ADGRL1: variants seen among roughly 807,000 people sequenced by gnomAD.
ADGRL1 encodes CIRL-1.
A neutral mutation model predicts 148.9 loss-of-function variants in ADGRL1; 31 were observed. That is an observed-to-expected ratio of 0.21 (90% confidence interval 0.16 to 0.28). ADGRL1 has a LOEUF of 0.28. ADGRL1 is among the 10% of genes least tolerant of loss of function. The pLI is 1.00. For synonymous variants in ADGRL1, 937 were observed against 900.3 expected (o/e 1.04, Z -0.73); for missense variants, 1,521 against 2,058.8 (o/e 0.74, Z 5.05).
intron 1 of ADGRL1, among the ~76,000 whole-genome samples, chr19:14,184,630 A>ATTTTT (rs1568618689): frequency 3.4e-5 from 3 of 88,488 alleles, no homozygotes; most frequent in Non-Finnish European, 4.9e-5. Flanking sequence ...TTATTTATTT[A>ATTTTT]TTTATTTATT....
intron 1 of ADGRL1, among the ~76,000 whole-genome samples, chr19:14,187,698 C>T (rs1412204772): frequency 6.6e-6 from 1 of 152,024 alleles, no homozygotes; most frequent in Admixed American, 6.6e-5. Flanking sequence ...CCGCATCTCC[C>T]CCACATCTGT....
rs1010807364 is a variant in ADGRL1, at chr19:14,151,326, C to A, written c.3957G>T (p.Gly1319=). 2.5e-6 allele frequency: 4 copies of A among 1,593,650 alleles called. No individual in the cohort carries two copies. The African/African-American group carries it at 5.4e-5, about 21-fold the overall frequency. Residue 1319 remains glycine, a synonymous_variant, in exon 23 of 23, where the codon GGG becomes GGT. Transcript: ENST00000361434. The stretch of plus-strand genomic sequence containing the variant: ...TCTCGGCCCGGTCAGCACCCCCGGG[C>A]CCGCCCGCCTCTTCCTCGCCCCCGC... The part of the protein sequence containing the change: ...PGGGGEEEAG[G]PGGADRAEIE...
Position 14,183,589 on chromosome 19 carries a change from G to A in ADGRL1, c.14C>T (p.Ala5Val). The change falls in exon 2 of 23, where the codon GCC (alanine) becomes GTC (valine). Residue 5 changes from alanine (A) to valine (V), a missense_variant. Physicochemically the swap from Ala to Val is moderately conservative, Grantham distance 64. Coordinates refer to ENST00000361434, the MANE Select transcript of ADGRL1 (RefSeq NM_014921.5). MARL[A>V]AVLWNLCVTA... ...GACACACAGATTCCAGAGCACTGCGGCTAGGCGGGCCATGGTGGCAGCCGG... is the reference window on the plus strand; with the variant it reads ...GACACACAGATTCCAGAGCACTGCGACTAGGCGGGCCATGGTGGCAGCCGG... The A allele has an allele frequency of 1.9e-6, 3 of 1,579,970 alleles. No individual in the cohort carries two copies. The highest frequency in any genetic ancestry group is 2.3e-5 in the East Asian group (1 of 43,062).
rs975126680 is a variant in ADGRL1 at position 14,178,950 on chromosome 19, G to A, written c.71-1206C>T. The stretch of plus-strand genomic sequence containing the variant: ...TGTAATCCCCGCACTTTGGGAGGCT[G>A]AGGCGGGTGGATCACCTGAGGTCAG... On this transcript the variant is annotated intron_variant, in intron 2 of 22. Transcript: ENST00000361434. Among the ~76,000 whole-genome samples, 128 of 151,852 alleles carry A rather than the reference G, an allele frequency of 8.4e-4. 2 individuals are homozygous for A. The highest frequency in any genetic ancestry group is 5.0e-4 in the Non-Finnish European group (34 of 67,972).
At position 14,148,697 on chromosome 19, in the gene ADGRL1, A is replaced by T. The variant is rs901220883; in HGVS notation, c.*2176T>A. 6.5e-6 allele frequency: 1 copy of T among 152,736 alleles called. No homozygotes were observed. The highest frequency in any genetic ancestry group is 2.4e-5 in the African/African-American group (1 of 41,428). The allele number at this position is 152,736 out of a possible 1,614,324, so 9.5% of individuals were successfully genotyped here. A position where few individuals can be genotyped will look rare whatever the true frequency, so the allele number is the denominator to read the frequency against. On this transcript the variant is annotated 3_prime_UTR_variant, in exon 23 of 23. Coordinates refer to ENST00000361434, the MANE Select transcript of ADGRL1 (RefSeq NM_014921.5). ...ACTTCACCCATGGTCTTCTGGTGTAATGGGTTAGGCCTTTCTACCAGAAAA... is the reference window on the plus strand; with the variant it reads ...ACTTCACCCATGGTCTTCTGGTGTATTGGGTTAGGCCTTTCTACCAGAAAA...
At position 14,158,917 on chromosome 19, in the gene ADGRL1, C is replaced by T. The variant is rs374582255; in HGVS notation, c.2149+173G>A. ...GAGCCAGCTTTGCAACTGTAAGGCTCACCCTTAGGGCTCTGCAGCACTTCA... is the reference window on the plus strand; with the variant it reads ...GAGCCAGCTTTGCAACTGTAAGGCTTACCCTTAGGGCTCTGCAGCACTTCA... On this transcript the variant is annotated intron_variant, in intron 11 of 22. Coordinates refer to ENST00000361434, the MANE Select transcript of ADGRL1 (RefSeq NM_014921.5). Among the ~76,000 whole-genome samples, 83 of 152,322 alleles carry T rather than the reference C, an allele frequency of 5.4e-4. 1 individual carries two copies. Among genetic ancestry groups the T allele is most frequent in the African/African-American group, 2.0e-3 (82 of 41,574 alleles).
chr19:14,167,164 C>T (rs1970052387), intron 4 of ADGRL1: 12 of 794,336 alleles, frequency 1.5e-5, no homozygotes, highest in South Asian at 6.3e-5. Flanking sequence ...TTTCCTTCCT[C>T]GCTCCTGCTT....
chr19:14,156,734 A>T lies in ADGRL1; in HGVS notation c.2967-10T>A. 6.2e-7 allele frequency: 1 copy of T among 1,606,672 alleles called. No individual in the cohort carries two copies. ...CACTCGGAGCCAGCAGCTGTAAAGG[A>T]AACAGGGCCGGGGTATAGAGAGAAG... On this transcript the variant is annotated splice_polypyrimidine_tract_variant and intron_variant, in intron 15 of 22. Coordinates refer to ENST00000361434, the MANE Select transcript of ADGRL1 (RefSeq NM_014921.5).
chr19:14,156,567 G>C (rs571189658), intron 16 of ADGRL1, 91 bp downstream of exon 16: 14 of 803,034 alleles, frequency 1.7e-5, no homozygotes, highest in East Asian at 1.4e-4. Flanking sequence ...GTGTGTGTGT[G>C]GGGGGGGTGG....
At chr19:14,194,086 T>C (rs1162736693) in intron 1 of ADGRL1, among the ~76,000 whole-genome samples, 1 of 151,932 alleles carries the variant, frequency 6.6e-6, no homozygotes, top group Non-Finnish European at 1.5e-5. Flanking sequence ...TACAAACAAA[T>C]ATAAAAAAGT....
rs1967981376 is a variant in ADGRL1 at position 14,149,850 on chromosome 19, T to C, written c.*1023A>G. 1 of 151,142 alleles carries C rather than the reference T, an allele frequency of 6.6e-6. No homozygotes were observed. The allele number at this position is 151,142 out of a possible 1,614,324, so 9.4% of individuals were successfully genotyped here. A position where few individuals can be genotyped will look rare whatever the true frequency, so the allele number is the denominator to read the frequency against. On this transcript the variant is annotated 3_prime_UTR_variant, in exon 23 of 23. Transcript: ENST00000361434. The stretch of plus-strand genomic sequence containing the variant: ...TGCCAGGCCAGCAGCGCTGCTCTGC[T>C]CCGGAGAAAGCCCGGGCTGGCCCGG...
rs1271932318 is a variant in ADGRL1, at chr19:14,155,458, G to A, written c.3195C>T (p.Phe1065=). 2 of 1,614,160 alleles carry A rather than the reference G, an allele frequency of 1.2e-6. No homozygotes were observed. The highest frequency in any genetic ancestry group is 1.7e-5 in the Admixed American group (1 of 60,030). ...CCATGACCACCGACTCCTTGTTGAT[G>A]AAGAGGAGGCCGAAAGCCCAGGTGA... ...LGLTWAFGLL[F]INKESVVMAY... The change falls in exon 18 of 23, where the codon TTC becomes TTT. Residue 1065 remains phenylalanine, a synonymous_variant. Transcript: ENST00000361434. This position sits in a 1 kb window ranked among gnomAD's most constrained non-coding sequence, Gnocchi z 5.0.
chr19:14,199,162 T>C (rs1452477798), intron 1 of ADGRL1, among the ~76,000 whole-genome samples: 5 of 152,236 alleles, frequency 3.3e-5, no homozygotes, highest in Non-Finnish European at 7.3e-5. Flanking sequence ...TGCGCCGTCA[T>C]GTCAGCACGA....
intron 4 of ADGRL1, among the ~76,000 whole-genome samples, chr19:14,166,584 G>GAA (rs1368283728): frequency 7.3e-5 from 9 of 122,908 alleles, no homozygotes; most frequent in African/African-American, 1.6e-4. Context: ...GAGAGAGAAA[G>GAA]AGAGAGAGAG....
chr19:14,151,298 C>G lies in ADGRL1; in HGVS notation c.3985G>C (p.Glu1329Gln). Residue 1329 changes from glutamate to glutamine, a missense_variant, in exon 23 of 23, where the codon GAA (glutamate) becomes CAA (glutamine). This residue lies in a region of ADGRL1 where 390 missense variants were observed against 375.0 expected (regional missense o/e 1.04). Transcript: ENST00000361434. ...GPGGADRAEI[E>Q]LLYKALEEPL... Reference sequence around the variant, plus strand: ...TCCTCCAGGGCCTTATAGAGAAGTTCAATCTCGGCCCGGTCAGCACCCCCG... The same window carrying G: ...TCCTCCAGGGCCTTATAGAGAAGTTGAATCTCGGCCCGGTCAGCACCCCCG... 2 of 1,608,958 alleles carry G rather than the reference C, an allele frequency of 1.2e-6. No individual in the cohort carries two copies. The highest frequency in any genetic ancestry group is 1.7e-6 in the Non-Finnish European group (2 of 1,178,328).
intron 1 of ADGRL1, among the ~76,000 whole-genome samples, chr19:14,190,836 C>T (rs550700569): frequency 7.2e-5 from 11 of 152,234 alleles, no homozygotes; most frequent in Non-Finnish European, 1.6e-4. Context: ...GCCTGTAATC[C>T]CAGCACTTTG....
At chr19:14,168,937 T>G (rs1970233860) in intron 4 of ADGRL1, 1 of 152,246 alleles carries the variant, frequency 6.6e-6, no homozygotes, top group African/African-American at 2.4e-5. Context: ...CACACTGAAG[T>G]GAGGCCACAT....
chr19:14,150,982 C>A lies in ADGRL1; in HGVS notation c.4301G>T (p.Gly1434Val). 6.3e-7 allele frequency: 1 copy of A among 1,598,910 alleles called. No homozygotes were observed. Among genetic ancestry groups the A allele is most frequent in the Non-Finnish European group, 8.5e-7 (1 of 1,173,646 alleles). The change falls in exon 23 of 23, where the codon GGC (glycine) becomes GTC (valine). Residue 1434 changes from glycine to valine, a missense_variant. Around this residue, in one of 8 missense-constraint regions of ADGRL1, gnomAD observed 390 missense variants for 375.0 expected, o/e 1.04. Coordinates refer to ENST00000361434, the MANE Select transcript of ADGRL1 (RefSeq NM_014921.5). ...PALVARNPLQ[G>V]YYQVRRPSHE... is the part of the protein sequence containing the mutation. ...GCTAGGACGCCGCACCTGGTAGTAG[C>A]CCTGCAGGGGATTCCGGGCCACCAG...
rs1969532437 is a variant in ADGRL1, at chr19:14,162,775, G to A, written c.1026C>T (p.Ala342=). 1 of 1,614,094 alleles carries A rather than the reference G, an allele frequency of 6.2e-7. No individual in the cohort carries two copies. ...SEAAGNRVDY[A]FNTNANREEP... is the part of the protein sequence containing the mutation. Reference sequence around the variant, plus strand: ...CCTCGCGGTTGGCATTGGTGTTGAAGGCATAGTCCACGCGGTTGCCAGCCG... The same window carrying A: ...CCTCGCGGTTGGCATTGGTGTTGAAAGCATAGTCCACGCGGTTGCCAGCCG... Residue 342 remains alanine (A), a synonymous_variant, in exon 5 of 23, where the codon GCC becomes GCT. Transcript: ENST00000361434. This position sits in a 1 kb window ranked among gnomAD's most constrained non-coding sequence, Gnocchi z 5.4.
Sources: gnomAD v4.1 joint callset for allele counts (sites outside exome capture counted in the v4.1 genomes callset) on GRCh38, gnomAD v4.1.1 for gene constraint, gnomAD v4.1.1 regional missense constraint, Gnocchi (gnomAD v3.1) non-coding constraint, MANE v1.5 for transcripts, NCBI Gene and HGNC (gene_info 2026-07-23, HGNC 2026-07-21) for gene names.